The following PAPPA variants were observed in gnomAD, a reference collection of about 807,000 sequenced individuals.
PAPPA encodes the protein pappalysin 1.
PAPPA carries 60 observed loss-of-function variants against 164.0 expected under a neutral mutation model. That is an observed-to-expected ratio of 0.37 (90% CI 0.30 to 0.45). PAPPA has a LOEUF of 0.45. PAPPA is among the 20% of genes least tolerant of loss of function. The pLI, the probability that PAPPA is intolerant of heterozygous loss-of-function variation, is 1.00. For synonymous variants in PAPPA, 875 were observed against 814.1 expected (o/e 1.07, Z -1.27); for missense variants, 1,782 against 2,087.3 (o/e 0.85, Z 2.85).
intron 4 of PAPPA, among the ~76,000 whole-genome samples, chr9:116,218,681 A>G (rs917513820): frequency 6.6e-6 from 1 of 152,130 alleles, no homozygotes; most frequent in Non-Finnish European, 1.5e-5. Context: ...CTCAACTCCC[A>G]TTTATCAACC....
rs1846231258 is a variant in PAPPA at position 116,347,781 on chromosome 9, C to T, written c.3964+572C>T. Among the ~76,000 whole-genome samples, 2 of 152,166 alleles carry T rather than the reference C, an allele frequency of 1.3e-5. No individual in the cohort carries two copies. The highest frequency in any genetic ancestry group is 2.9e-5 in the Non-Finnish European group (2 of 68,034). ...ATATGGACAGGAAGCATCTGGCATC[C>T]TCCTGAGCTAGGCACCAGGGCTATT... On this transcript the variant is annotated intron_variant, in intron 15 of 21. Transcript: ENST00000328252. The surrounding 1 kb of genome is among the most constrained non-coding windows in gnomAD (Gnocchi z 4.5).
rs866396491 is a variant in PAPPA, at chr9:116,398,731, G to A, written c.*2115G>A. 1.1e-5 allele frequency: 5 copies of A among 457,256 alleles called. No homozygotes were observed. The highest frequency in any genetic ancestry group is 8.0e-5 in the African/African-American group (4 of 50,086). The allele number at this position is 457,256 out of a possible 1,614,324, so 28.3% of individuals were successfully genotyped here. A position where few individuals can be genotyped will look rare whatever the true frequency, so the allele number is the denominator to read the frequency against. ...AATTGGGTTCCATATTGGCAAGGCTGCCACAGTTGTTAAGAATAATCCTCT... is the reference window on the plus strand; with the variant it reads ...AATTGGGTTCCATATTGGCAAGGCTACCACAGTTGTTAAGAATAATCCTCT... On this transcript the variant is annotated 3_prime_UTR_variant, in exon 22 of 22. Coordinates refer to ENST00000328252, the MANE Select transcript of PAPPA (RefSeq NM_002581.5).
At chr9:116,362,777 A>G in intron 18 of PAPPA, 38 bp downstream of exon 18, 3 of 1,596,244 alleles carry the variant, frequency 1.9e-6, no homozygotes, top group Non-Finnish European at 2.6e-6. Flanking sequence ...AGGAGGGGCA[A>G]TTCCTTCCAG....
chr9:116,183,771 C>A (rs1843935281), intron 1 of PAPPA, among the ~76,000 whole-genome samples: 1 of 152,130 alleles, frequency 6.6e-6, no homozygotes, highest in Non-Finnish European at 1.5e-5. Flanking sequence ...TCCTCTCTGC[C>A]TCCCATGGCT....
chr9:116,367,902 A>C (rs1205112457), intron 19 of PAPPA, 148 bp downstream of exon 19: 1 of 656,720 alleles, frequency 1.5e-6, no homozygotes, highest in East Asian at 2.7e-5. Context: ...TGTGTGTTGC[A>C]GGGAGGTGGG....
chr9:116,276,268 A>T (rs1845197123), intron 9 of PAPPA, among the ~76,000 whole-genome samples: 1 of 152,202 alleles, frequency 6.6e-6, no homozygotes, highest in Admixed American at 6.5e-5. Context: ...ACAAAATGTG[A>T]AGGGTCCCCA....
intron 13 of PAPPA, among the ~76,000 whole-genome samples, chr9:116,343,453 A>G (rs117581738): frequency 6.6e-6 from 1 of 152,228 alleles, no homozygotes; most frequent in Admixed American, 6.5e-5. Context: ...CTTCCTATGG[A>G]AATTTGCATG....
At chr9:116,230,527 C>T (rs1318898595) in intron 6 of PAPPA, among the ~76,000 whole-genome samples, 1 of 152,126 alleles carries the variant, frequency 6.6e-6, no homozygotes, top group Non-Finnish European at 1.5e-5. Flanking sequence ...GCATTGTATC[C>T]ACAGAATGAA....
At chr9:116,389,129 CTTTTTTTTTT>C (rs374938651) in intron 21 of PAPPA, among the ~76,000 whole-genome samples, 39 of 128,858 alleles carry the variant, frequency 3.0e-4, no homozygotes, top group African/African-American at 9.6e-4. Context: ...CAGAATAATC[CTTTTTTTTTT>C]TTTTTTTTTG....
At chr9:116,241,620 T>C (rs1303423884) in intron 7 of PAPPA, among the ~76,000 whole-genome samples, 1 of 152,226 alleles carries the variant, frequency 6.6e-6, no homozygotes, top group Non-Finnish European at 1.5e-5. Flanking sequence ...TTTATGACAC[T>C]TAAATGACAC....
At position 116,398,616 on chromosome 9, in the gene PAPPA, C is replaced by A. The variant is rs1238339107; in HGVS notation, c.*2000C>A. 1.3e-5 allele frequency: 14 copies of A among 1,082,604 alleles called. No individual in the cohort carries two copies. The highest frequency in any genetic ancestry group is 1.8e-5 in the Non-Finnish European group (14 of 799,968). 67.1% of individuals were successfully genotyped at this position (1,082,604 alleles called of 1,614,324 possible). On this transcript the variant is annotated 3_prime_UTR_variant, in exon 22 of 22. Coordinates refer to ENST00000328252, the MANE Select transcript of PAPPA (RefSeq NM_002581.5). ...ATCTCTGGCCAATTACACTAAGAAACATATCAAGGTGCTTTTGGCACAGGT... is the reference window on the plus strand; with the variant it reads ...ATCTCTGGCCAATTACACTAAGAAAAATATCAAGGTGCTTTTGGCACAGGT...
intron 7 of PAPPA, among the ~76,000 whole-genome samples, chr9:116,248,887 T>C (rs1279509984): frequency 6.6e-6 from 1 of 152,210 alleles, no homozygotes; most frequent in Non-Finnish European, 1.5e-5. Flanking sequence ...ATATTGAAGG[T>C]CTTTCTTTTA....
chr9:116,322,410 C>CAA lies in PAPPA; in HGVS notation c.3148-8812_3148-8811dup, dbSNP rs34749732. ...GGGGTACAATAGGAAGACTTAGTCTCAAAAAAAAAAAAAAAAAAAAAAAGA... is the reference window on the plus strand; with the variant it reads ...GGGGTACAATAGGAAGACTTAGTCTCAAAAAAAAAAAAAAAAAAAAAAAAAGA... On this transcript the variant is annotated intron_variant, in intron 10 of 21. Coordinates refer to ENST00000328252, the MANE Select transcript of PAPPA (RefSeq NM_002581.5). Among the ~76,000 whole-genome samples, 510 of 54,494 alleles carry CAA rather than the reference C, an allele frequency of 9.4e-3. 4 individuals are homozygous for CAA. Among genetic ancestry groups the CAA allele is most frequent in the African/African-American group, 0.014 (199 of 13,938 alleles). The allele number at this position is 54,494 out of a possible 152,430, so 35.8% of individuals were successfully genotyped here.
At chr9:116,258,843 T>C (rs1421778267) in intron 7 of PAPPA, among the ~76,000 whole-genome samples, 2 of 152,048 alleles carry the variant, frequency 1.3e-5, no homozygotes, top group African/African-American at 4.8e-5. Context: ...TTTAAAAAAC[T>C]ATACTGTGGG....
intron 1 of PAPPA, among the ~76,000 whole-genome samples, chr9:116,174,225 G>C (rs1176524001): frequency 6.6e-6 from 1 of 152,156 alleles, no homozygotes; most frequent in African/African-American, 2.4e-5. Flanking sequence ...GCCTAGAAAG[G>C]TAATTCTGGA....
At chr9:116,365,863 C>T (rs1846494427) in intron 18 of PAPPA, among the ~76,000 whole-genome samples, 1 of 152,080 alleles carries the variant, frequency 6.6e-6, no homozygotes, top group African/African-American at 2.4e-5. Context: ...CTCTGTGTGG[C>T]TGCACTGTTA....
chr9:116,184,844 G>A (rs552234664), intron 1 of PAPPA, among the ~76,000 whole-genome samples: 8 of 152,106 alleles, frequency 5.3e-5, no homozygotes, highest in South Asian at 4.2e-4. Flanking sequence ...TCTCGTCTCC[G>A]GCTCTATTTA....
intron 10 of PAPPA, among the ~76,000 whole-genome samples, chr9:116,320,404 G>T (rs1845839426): frequency 1.3e-5 from 2 of 152,228 alleles, no homozygotes; most frequent in Non-Finnish European, 2.9e-5. Context: ...TTATCAGAAA[G>T]TGTCTCCTGG....
chr9:116,219,459 G>A (rs1487043282), intron 4 of PAPPA, among the ~76,000 whole-genome samples: 1 of 152,224 alleles, frequency 6.6e-6, no homozygotes, highest in African/African-American at 2.4e-5. Context: ...ATGAAAGAAT[G>A]TGAAGGAATG....
Sources: gnomAD v4.1 joint callset for allele counts (sites outside exome capture counted in the v4.1 genomes callset) on GRCh38, gnomAD v4.1.1 for gene constraint, Gnocchi (gnomAD v3.1) non-coding constraint, MANE v1.5 for transcripts, NCBI Gene and HGNC (gene_info 2026-07-23, HGNC 2026-07-21) for gene names.